NKAIN2: variants seen among roughly 807,000 people sequenced by gnomAD.
NKAIN2 encodes sodium/potassium transporting ATPase interacting 2.
Under a neutral mutation model 32.6 loss-of-function variants are expected in NKAIN2, and 14 were observed. The ratio of observed to expected loss-of-function variants is 0.43; its 90% CI spans 0.28 to 0.67. NKAIN2 has a LOEUF of 0.67. NKAIN2 is among the 30% of genes least tolerant of loss of function. The probability of loss-of-function intolerance (pLI) is 0.17; values close to 1 mark genes in which losing one functional copy is unlikely to be tolerated. For missense variants in NKAIN2, 198 were observed against 258.3 expected (o/e 0.77, Z 1.60); for synonymous variants, 80 against 87.2 (o/e 0.92, Z 0.46).
intron 4 of NKAIN2, among the ~76,000 whole-genome samples, chr6:124,661,794 A>G (rs1784754863): frequency 6.6e-6 from 1 of 152,214 alleles, no homozygotes; most frequent in South Asian, 2.1e-4. Context: ...AAAAAAATCC[A>G]CATTTTCAAA....
chr6:124,440,325 G>A (rs1164301990), intron 3 of NKAIN2, among the ~76,000 whole-genome samples: 2 of 152,012 alleles, frequency 1.3e-5, no homozygotes, highest in Non-Finnish European at 2.9e-5. Flanking sequence ...GGCATAAGTT[G>A]CAAGAAAAAG....
chr6:124,706,619 C>A (rs761127843), intron 4 of NKAIN2, among the ~76,000 whole-genome samples: 4 of 151,940 alleles, frequency 2.6e-5, no homozygotes, highest in Non-Finnish European at 5.9e-5. Flanking sequence ...GAGCTGAATC[C>A]AGGAATAAAA....
intron 1 of NKAIN2, among the ~76,000 whole-genome samples, chr6:124,268,654 C>T (rs554549687): frequency 6.6e-6 from 1 of 151,840 alleles, no homozygotes; most frequent in African/African-American, 2.4e-5. Flanking sequence ...AAAAATCATA[C>T]TTCAAAGCAA....
At chr6:124,768,613 TACAA>T (rs1295692973) in intron 4 of NKAIN2, among the ~76,000 whole-genome samples, 1 of 152,164 alleles carries the variant, frequency 6.6e-6, no homozygotes, top group African/African-American at 2.4e-5. Context: ...TTGAGGTAGC[TACAA>T]ACAGACATCA....
chr6:124,420,134 T>C (rs1373610327), intron 3 of NKAIN2, among the ~76,000 whole-genome samples: 2 of 152,082 alleles, frequency 1.3e-5, no homozygotes, highest in Non-Finnish European at 1.5e-5. Flanking sequence ...TTCAGAAAAA[T>C]AGTTACTTAA....
intron 3 of NKAIN2, among the ~76,000 whole-genome samples, chr6:124,483,544 A>T (rs1322237824): frequency 1.3e-5 from 2 of 152,178 alleles, no homozygotes; most frequent in Non-Finnish European, 2.9e-5. Flanking sequence ...TAGAAAAAAG[A>T]TAAACCTGTT....
chr6:124,713,028 G>C (rs1775578455), intron 4 of NKAIN2, among the ~76,000 whole-genome samples: 1 of 151,978 alleles, frequency 6.6e-6, no homozygotes, highest in African/African-American at 2.4e-5. Context: ...GATGAAAGGA[G>C]AGCATAACTA....
chr6:123,883,957 TA>T (rs1483710898), intron 1 of NKAIN2, among the ~76,000 whole-genome samples: 1 of 151,596 alleles, frequency 6.6e-6, no homozygotes, highest in Non-Finnish European at 1.5e-5. Flanking sequence ...AAATTATTAT[TA>T]TTTTTAACTT....
intron 4 of NKAIN2, among the ~76,000 whole-genome samples, chr6:124,680,321 AAGAC>A (rs1773555935): frequency 6.6e-6 from 1 of 152,172 alleles, no homozygotes; most frequent in Non-Finnish European, 1.5e-5. Context: ...TGATGAGTCA[AAGAC>A]AGAATCAGTA....
At chr6:124,159,972 C>T (rs1310399677) in intron 1 of NKAIN2, among the ~76,000 whole-genome samples, 3 of 152,108 alleles carry the variant, frequency 2.0e-5, no homozygotes, top group Non-Finnish European at 2.9e-5. Flanking sequence ...CTTACTACTC[C>T]TTTCTTGTTT....
chr6:124,079,164 A>G (rs528969424), intron 1 of NKAIN2, among the ~76,000 whole-genome samples: 1 of 152,210 alleles, frequency 6.6e-6, no homozygotes, highest in Admixed American at 6.5e-5. Flanking sequence ...TCTACTAAAA[A>G]TACAAAAATT....
At chr6:123,942,169 A>T (rs1776855914) in intron 1 of NKAIN2, among the ~76,000 whole-genome samples, 1 of 152,014 alleles carries the variant, frequency 6.6e-6, no homozygotes, top group African/African-American at 2.4e-5. Context: ...TGAGGAGCAC[A>T]TGAGAAATTA....
intron 1 of NKAIN2, among the ~76,000 whole-genome samples, chr6:123,903,020 G>A (rs543832546): frequency 4.6e-5 from 7 of 152,162 alleles, no homozygotes; most frequent in Non-Finnish European, 1.0e-4. Flanking sequence ...ATACTGCTTT[G>A]TTCAAATTTA....
At chr6:123,970,282 G>A (rs1778280518) in intron 1 of NKAIN2, among the ~76,000 whole-genome samples, 1 of 152,140 alleles carries the variant, frequency 6.6e-6, no homozygotes, top group Non-Finnish European at 1.5e-5. Context: ...CAAATGGTAA[G>A]GCTGGTATGT....
intron 1 of NKAIN2, among the ~76,000 whole-genome samples, chr6:124,197,582 T>A (rs1044397394): frequency 6.6e-6 from 1 of 152,198 alleles, no homozygotes; most frequent in Admixed American, 6.5e-5. Flanking sequence ...TCGTATTTGC[T>A]TTTAAAGTCA....
rs1797070247 is a variant in NKAIN2 at position 124,319,029 on chromosome 6, A to G, written c.192+35887A>G. 2.6e-5 allele frequency among the ~76,000 whole-genome samples: 4 copies of G among 152,204 alleles called. No individual in the cohort carries two copies. The South Asian group carries it at 8.3e-4, about 32-fold the overall frequency. On this transcript the variant is annotated intron_variant, in intron 2 of 6. Coordinates refer to ENST00000368417, the MANE Select transcript of NKAIN2 (RefSeq NM_001040214.3). Reference sequence around the variant, plus strand: ...TACTTTCAGCAGTGGTGGATTATCCAGGTGGTTTCTGGGCTATAGGTCCTA... The same window carrying G: ...TACTTTCAGCAGTGGTGGATTATCCGGGTGGTTTCTGGGCTATAGGTCCTA...
chr6:124,802,250 C>G (rs972277745), intron 5 of NKAIN2, among the ~76,000 whole-genome samples: 1 of 152,108 alleles, frequency 6.6e-6, no homozygotes, highest in Non-Finnish European at 1.5e-5. Context: ...AATTAAAACT[C>G]CTGCATTTAA....
intron 1 of NKAIN2, among the ~76,000 whole-genome samples, chr6:124,101,516 G>A (rs1275757360): frequency 2.6e-5 from 4 of 152,008 alleles, no homozygotes; most frequent in Admixed American, 2.6e-4. Context: ...TATTTTTTTA[G>A]GAGTATCATT....
At chr6:124,548,305 T>C (rs77889995) in intron 3 of NKAIN2, among the ~76,000 whole-genome samples, 6,183 of 152,298 alleles carry the variant, frequency 0.041, 413 homozygotes, top group African/African-American at 0.14. Flanking sequence ...GCTAGGAAAA[T>C]GTTTCTTTGA....
Sources: allele counts gnomAD v4.1 joint callset (sites outside exome capture counted in the v4.1 genomes callset), GRCh38; gene constraint gnomAD v4.1.1; transcripts MANE v1.5; gene names NCBI Gene and HGNC (gene_info 2026-07-23, HGNC 2026-07-21).